Variants in XDH observed in about 807,000 individuals in gnomAD.
XDH encodes xanthine dehydrogenase/oxidase.
A neutral mutation model predicts 156.1 loss-of-function variants in XDH; 138 were observed. That is an observed-to-expected ratio of 0.88 (90% CI 0.77 to 1.02). The LOEUF is 1.02. Among genes scored for constraint, XDH ranks in the 50% least tolerant of loss-of-function variants. The pLI is 0.00. For missense variants in XDH, 1,849 were observed against 1,684.9 expected (o/e 1.10, Z -1.71); for synonymous variants, 669 against 625.7 (o/e 1.07, Z -1.03).
chr2:31,351,566 T>C (rs937253063), intron 24 of XDH, among the ~76,000 whole-genome samples: 1 of 152,194 alleles, frequency 6.6e-6, no homozygotes, highest in African/African-American at 2.4e-5. Context: ...TCCCAGGGAT[T>C]CCCTTCACCT....
At chr2:31,378,471 A>G (rs1307984035) in intron 13 of XDH, among the ~76,000 whole-genome samples, 1 of 152,170 alleles carries the variant, frequency 6.6e-6, no homozygotes, top group Non-Finnish European at 1.5e-5. Context: ...AAAAAGCACA[A>G]TGAGGCCCAC....
At chr2:31,403,610 C>G (rs1490671076) in intron 2 of XDH, among the ~76,000 whole-genome samples, 5 of 152,264 alleles carry the variant, frequency 3.3e-5, no homozygotes, top group East Asian at 1.9e-4. Flanking sequence ...TCACTCTGAA[C>G]TTTTTGGGCT....
chr2:31,342,360 A>G, intron 31 of XDH, 63 bp from the exon 32 acceptor site: 1 of 1,395,986 alleles, frequency 7.2e-7, no homozygotes, highest in African/African-American at 1.4e-5. Context: ...TTCCCTATGC[A>G]CGTACAGCTT....
At chr2:31,369,608 T>C (rs1040650320) in intron 18 of XDH, among the ~76,000 whole-genome samples, 1 of 152,228 alleles carries the variant, frequency 6.6e-6, no homozygotes, top group African/African-American at 2.4e-5. Flanking sequence ...GTTATTGCAA[T>C]GGTGGTTAAA....
rs188485498 is a variant in XDH at position 31,334,995 on chromosome 2, A to G, written c.*963T>C. 1.3e-5 allele frequency: 2 copies of G among 152,250 alleles called. No individual in the cohort carries two copies. The allele number at this position is 152,250 out of a possible 1,614,324, so 9.4% of individuals were successfully genotyped here. A position where few individuals can be genotyped will look rare whatever the true frequency, so the allele number is the denominator to read the frequency against. ...AATGATCTCTCCACCTCAGCCTTTCAAGTAGTTGGGACTACAGGCATGCAC... is the reference window on the plus strand; with the variant it reads ...AATGATCTCTCCACCTCAGCCTTTCGAGTAGTTGGGACTACAGGCATGCAC... On this transcript the variant is annotated 3_prime_UTR_variant, in exon 36 of 36. Transcript: ENST00000379416.
intron 9 of XDH, chr2:31,384,139 T>TGTGTGTGC: frequency 1.0e-5 from 4 of 390,060 alleles, no homozygotes; most frequent in South Asian, 9.0e-5. Flanking sequence ...TGTGTGTGTG[T>TGTGTGTGC]GTGTGTGTGT....
chr2:31,394,619 T>G (rs1686853477), intron 6 of XDH, among the ~76,000 whole-genome samples: 1 of 152,210 alleles, frequency 6.6e-6, no homozygotes, highest in South Asian at 2.1e-4. Flanking sequence ...TTTCAAATAT[T>G]GCTTCTTTTC....
intron 9 of XDH, 100 bp from the exon 10 acceptor site, chr2:31,383,947 A>C: frequency 2.0e-6 from 2 of 1,016,538 alleles, no homozygotes; most frequent in South Asian, 2.7e-5. Flanking sequence ...TATATGACAT[A>C]TCCACAATCA....
chr2:31,388,409 T>G (rs1686673723), intron 6 of XDH, 114 bp from the exon 7 acceptor site: 1 of 1,178,814 alleles, frequency 8.5e-7, no homozygotes, highest in African/African-American at 1.5e-5. Context: ...TGTCCCAGCA[T>G]CAACAGCAGG....
At chr2:31,368,472 G>A (rs1235326571) in intron 19 of XDH, 69 bp downstream of exon 19, 1 of 1,593,832 alleles carries the variant, frequency 6.3e-7, no homozygotes, top group African/African-American at 1.3e-5. Flanking sequence ...CCCTCCAGGG[G>A]ATCCTAATAC....
At chr2:31,372,424 G>C in intron 16 of XDH, 27 bp from the exon 17 acceptor site, 2 of 1,613,722 alleles carry the variant, frequency 1.2e-6, no homozygotes, top group Non-Finnish European at 1.7e-6. Flanking sequence ...ATCAATCAGG[G>C]TGAGCTGCCA....
chr2:31,404,338 G>T (rs1687140696), intron 2 of XDH, among the ~76,000 whole-genome samples: 1 of 152,188 alleles, frequency 6.6e-6, no homozygotes, highest in South Asian at 2.1e-4. Flanking sequence ...ATGAATGGTG[G>T]CAGTACAAAG....
chr2:31,409,716 C>T (rs769303598), intron 1 of XDH, among the ~76,000 whole-genome samples: 7 of 152,084 alleles, frequency 4.6e-5, no homozygotes, highest in East Asian at 1.9e-4. Flanking sequence ...CTATGATCAA[C>T]GAACAAACAA....
intron 2 of XDH, among the ~76,000 whole-genome samples, chr2:31,404,689 G>A (rs1016882688): frequency 1.3e-5 from 2 of 152,066 alleles, no homozygotes; most frequent in Non-Finnish European, 2.9e-5. Context: ...CAGGTAGATG[G>A]GCTGTAAATG....
chr2:31,413,744 T>G (rs938045679), intron 1 of XDH, among the ~76,000 whole-genome samples: 1 of 152,184 alleles, frequency 6.6e-6, no homozygotes, highest in Non-Finnish European at 1.5e-5. Flanking sequence ...CACAGTAAGT[T>G]ACAATGTGCA....
chr2:31,398,106 T>G (rs955410084), intron 5 of XDH, among the ~76,000 whole-genome samples: 1 of 152,184 alleles, frequency 6.6e-6, no homozygotes, highest in African/African-American at 2.4e-5. Flanking sequence ...AGGATGTGAC[T>G]AAAATAACTG....
At chr2:31,356,359 A>C (rs755700911) in intron 24 of XDH, among the ~76,000 whole-genome samples, 1 of 152,244 alleles carries the variant, frequency 6.6e-6, no homozygotes, top group African/African-American at 2.4e-5. Flanking sequence ...GAACCTGTAA[A>C]TACTACCTTA....
At chr2:31,337,556 C>G (rs960082856) in intron 35 of XDH, 85 bp downstream of exon 35, 5 of 1,603,612 alleles carry the variant, frequency 3.1e-6, no homozygotes, top group African/African-American at 1.3e-5. Flanking sequence ...CCCAACACCT[C>G]TCCTCTGTGC....
intron 30 of XDH, 128 bp downstream of exon 30, chr2:31,346,641 C>G (rs982011521): frequency 3.6e-5 from 41 of 1,139,084 alleles, no homozygotes; most frequent in Admixed American, 8.5e-5. Context: ...TCACACAAAC[C>G]ACCTCAACTT....
Sources: gnomAD v4.1 joint callset for allele counts (sites outside exome capture counted in the v4.1 genomes callset) on GRCh38, gnomAD v4.1.1 for gene constraint, MANE v1.5 for transcripts, NCBI Gene and HGNC (gene_info 2026-07-23, HGNC 2026-07-21) for gene names.